Variants in OTUD7A observed in about 807,000 individuals in gnomAD.
OTUD7A encodes the protein OTU deubiquitinase 7A.
A neutral mutation model predicts 65.7 loss-of-function variants in OTUD7A; 12 were observed. That is an observed-to-expected ratio of 0.18 (90% CI 0.12 to 0.30). The LOEUF (loss-of-function observed/expected upper bound fraction) is 0.30, where lower values mean the gene tolerates loss of function less well. Among genes scored for constraint, OTUD7A ranks in the 10% least tolerant of loss-of-function variants. The pLI, the probability that OTUD7A is intolerant of heterozygous loss-of-function variation, is 1.00. For synonymous variants in OTUD7A, 641 were observed against 586.3 expected, an observed-to-expected ratio of 1.09 and a Z score of -1.35; for missense variants, 1,148 against 1,304.8, an observed-to-expected ratio of 0.88 and a Z score of 1.85.
chr15:31,520,539 T>A (rs1258123227), intron 8 of OTUD7A, among the ~76,000 whole-genome samples: 1 of 152,208 alleles, frequency 6.6e-6, no homozygotes, highest in East Asian at 1.9e-4. Context: ...CCTGAAACTA[T>A]AAACATTCTA....
At chr15:31,608,486 T>C (rs1317638845) in intron 3 of OTUD7A, among the ~76,000 whole-genome samples, 2 of 152,138 alleles carry the variant, frequency 1.3e-5, no homozygotes, top group Non-Finnish European at 2.9e-5. Flanking sequence ...AGGTGTGGAA[T>C]GAGAGCTAAA....
At chr15:31,601,196 C>G (rs1890063337) in intron 3 of OTUD7A, among the ~76,000 whole-genome samples, 1 of 152,146 alleles carries the variant, frequency 6.6e-6, no homozygotes, top group Non-Finnish European at 1.5e-5. Flanking sequence ...CTAAAACTGA[C>G]CACATAATTG....
At chr15:31,724,320 A>G (rs1393665830) in intron 1 of OTUD7A, among the ~76,000 whole-genome samples, 1 of 152,212 alleles carries the variant, frequency 6.6e-6, no homozygotes. Flanking sequence ...TAAAATAAAT[A>G]CTATTCTCTG....
At chr15:31,726,104 G>A (rs1827479) in intron 1 of OTUD7A, among the ~76,000 whole-genome samples, 3,559 of 149,498 alleles carry the variant, frequency 0.024, 165 homozygotes, top group African/African-American at 0.08. Context: ...ATATTCAAGC[G>A]CCCAAGACTC....
chr15:31,686,892 G>A (rs1315049260), intron 1 of OTUD7A, among the ~76,000 whole-genome samples: 2 of 152,208 alleles, frequency 1.3e-5, no homozygotes, highest in Non-Finnish European at 2.9e-5. Context: ...AATGAGGCAA[G>A]TAACCTTTTC....
rs1416029921 is a variant in OTUD7A, at chr15:31,592,904, A to AAAAAAT, written c.152-22708_152-22707insATTTTT. On this transcript the variant is annotated intron_variant, in intron 3 of 12. Transcript: ENST00000307050. ...CAAAAAAAAAAAAAAAAAAAAAAAA[A>AAAAAAT]ATATATATATATATATATATATATA... Among the ~76,000 whole-genome samples, 85 of 59,388 alleles carry AAAAAAT rather than the reference A, an allele frequency of 1.4e-3. 1 individual carries two copies. Among genetic ancestry groups the AAAAAAT allele is most frequent in the Non-Finnish European group, 2.0e-3 (72 of 36,802 alleles). The allele number at this position is 59,388 out of a possible 152,430, so 39.0% of individuals were successfully genotyped here. A position where few individuals can be genotyped will look rare whatever the true frequency, so the allele number is the denominator to read the frequency against.
intron 5 of OTUD7A, among the ~76,000 whole-genome samples, chr15:31,534,562 CAA>C (rs1453341739): frequency 1.3e-5 from 2 of 152,182 alleles, no homozygotes; most frequent in South Asian, 2.1e-4. Flanking sequence ...TGAAATAAGT[CAA>C]GAGAAAGAAA....
At chr15:31,664,397 A>T (rs183175951) in intron 1 of OTUD7A, among the ~76,000 whole-genome samples, 1 of 151,248 alleles carries the variant, frequency 6.6e-6, no homozygotes, top group East Asian at 1.9e-4. Flanking sequence ...TGTGGTTTTG[A>T]TTTCCATTTC....
At position 31,533,008 on chromosome 15, in the gene OTUD7A, GAACA is replaced by G. The variant is rs569450148; in HGVS notation, c.551-2204_551-2201del. Among the ~76,000 whole-genome samples, 79 of 145,778 alleles carry G rather than the reference GAACA, an allele frequency of 5.4e-4. No homozygotes were observed. In the South Asian group the frequency reaches 0.013, roughly 24 times the overall value. On this transcript the variant is annotated intron_variant, in intron 5 of 12. Coordinates refer to ENST00000307050, the MANE Select transcript of OTUD7A (RefSeq NM_001382637.1). ...TAAAAGGTTCCCAATTTTTGCAAAT[GAACA>G]AACAAACATACAGATTCAAGAAGCT...
chr15:31,637,275 A>G (rs576162448), intron 3 of OTUD7A, among the ~76,000 whole-genome samples: 150 of 152,322 alleles, frequency 9.8e-4, no homozygotes, highest in African/African-American at 3.5e-3. Context: ...CTTAAGAATG[A>G]CACTAAATCT....
chr15:31,530,926 G>T, intron 5 of OTUD7A, 118 bp from the exon 6 acceptor site: 1 of 635,384 alleles, frequency 1.6e-6, no homozygotes, highest in Non-Finnish European at 2.6e-6. Flanking sequence ...ATAGAAAGGG[G>T]GAACATTATG....
intron 1 of OTUD7A, among the ~76,000 whole-genome samples, chr15:31,770,543 G>A (rs184458873): frequency 7.8e-4 from 119 of 152,272 alleles, no homozygotes; most frequent in African/African-American, 2.8e-3. Context: ...AATACTGGAG[G>A]AGGGAACACT....
intron 3 of OTUD7A, among the ~76,000 whole-genome samples, chr15:31,610,438 T>C (rs1282392002): frequency 2.0e-5 from 3 of 151,662 alleles, no homozygotes; most frequent in Non-Finnish European, 4.4e-5. Context: ...ATTTAAACTA[T>C]ACCTTAGAAC....
At chr15:31,786,893 ATG>A (rs1234962996) in intron 1 of OTUD7A, among the ~76,000 whole-genome samples, 1 of 152,146 alleles carries the variant, frequency 6.6e-6, no homozygotes, top group African/African-American at 2.4e-5. Context: ...TCATTATGAA[ATG>A]TGTGTGAGGC....
intron 1 of OTUD7A, among the ~76,000 whole-genome samples, chr15:31,790,323 G>A (rs1895781620): frequency 6.6e-6 from 1 of 152,230 alleles, no homozygotes; most frequent in African/African-American, 2.4e-5. Flanking sequence ...GTTCTCAGCT[G>A]ATGCTGATGC....
At chr15:31,497,355 T>G (rs1293840469) in intron 10 of OTUD7A, among the ~76,000 whole-genome samples, 2 of 152,040 alleles carry the variant, frequency 1.3e-5, no homozygotes, top group East Asian at 1.9e-4. Context: ...GTTCAAGAGA[T>G]TCTCCTGTCA....
At chr15:31,627,469 T>C (rs1278994152) in intron 3 of OTUD7A, among the ~76,000 whole-genome samples, 1 of 152,098 alleles carries the variant, frequency 6.6e-6, no homozygotes, top group African/African-American at 2.4e-5. Context: ...ATGTACCACA[T>C]TTTCTTAATC....
At chr15:31,847,728 G>A (rs890302184) in intron 1 of OTUD7A, among the ~76,000 whole-genome samples, 2 of 152,166 alleles carry the variant, frequency 1.3e-5, no homozygotes, top group Non-Finnish European at 2.9e-5. Context: ...ACCTGAGACT[G>A]GGTAACTTAT....
Position 31,845,387 on chromosome 15 carries a change from T to C in OTUD7A, c.-100+25120A>G, listed in dbSNP as rs186058173. On this transcript the variant is annotated intron_variant, in intron 1 of 12. Transcript: ENST00000307050. ...TCCTGATTCTGCCCCAGGTTTCAAG[T>C]AGGTAGGGTGCACACTCGTGCACAT... Among the ~76,000 whole-genome samples the C allele has an allele frequency of 7.0e-4, 107 of 152,264 alleles. 1 individual carries two copies. Among genetic ancestry groups the C allele is most frequent in the African/African-American group, 2.4e-3 (100 of 41,542 alleles).
Sources: gnomAD v4.1 joint callset for allele counts (sites outside exome capture counted in the v4.1 genomes callset) on GRCh38, gnomAD v4.1.1 for gene constraint, MANE v1.5 for transcripts, NCBI Gene and HGNC (gene_info 2026-07-23, HGNC 2026-07-21) for gene names.